GALNT13: variants seen among roughly 807,000 people sequenced by gnomAD.
GALNT13 encodes the protein UDP-GalNAc:polypeptide N-acetylgalactosaminyltransferase 13.
GALNT13 carries 28 observed loss-of-function variants against 64.2 expected under a neutral mutation model. The ratio of observed to expected loss-of-function variants is 0.44; its 90% CI spans 0.32 to 0.60. The LOEUF (loss-of-function observed/expected upper bound fraction) is 0.60, where lower values mean the gene tolerates loss of function less well. Among genes scored for constraint, GALNT13 ranks in the 20% least tolerant of loss-of-function variants. GALNT13 has a pLI of 0.05. For missense variants in GALNT13, 577 were observed against 669.8 expected, an observed-to-expected ratio of 0.86 and a Z score of 1.53; for synonymous variants, 214 against 224.6, an observed-to-expected ratio of 0.95 and a Z score of 0.42.
At chr2:153,691,911 A>C in the GALNT13 span, among the ~76,000 whole-genome samples, 1 of 152,120 alleles carries the variant, frequency 6.6e-6, no homozygotes, top group Non-Finnish European at 1.5e-5. Flanking sequence ...GATATTCTTA[A>C]AAAAACATGG....
intron 9 of GALNT13, among the ~76,000 whole-genome samples, chr2:154,318,892 C>T (rs536306298): frequency 4.6e-5 from 7 of 152,098 alleles, no homozygotes; most frequent in Admixed American, 4.6e-4. Flanking sequence ...CACACACACG[C>T]ACACACATAT....
chr2:154,313,517 T>G (rs999820615), intron 9 of GALNT13, among the ~76,000 whole-genome samples: 3 of 150,646 alleles, frequency 2.0e-5, no homozygotes, highest in Non-Finnish European at 4.4e-5. Context: ...AGCAGTGGTG[T>G]GATCTCGGCT....
chr2:154,220,552 A>T (rs2105820873), intron 4 of GALNT13, among the ~76,000 whole-genome samples: 1 of 152,132 alleles, frequency 6.6e-6, no homozygotes, highest in East Asian at 1.9e-4. Context: ...ATATGCATAC[A>T]CACATATTTC....
At chr2:153,550,226 AAATG>A in the GALNT13 span, among the ~76,000 whole-genome samples, 1 of 150,570 alleles carries the variant, frequency 6.6e-6, no homozygotes, top group Admixed American at 6.6e-5. Context: ...CAATCTTGGT[AAATG>A]AATGGTCACT....
intron 9 of GALNT13, among the ~76,000 whole-genome samples, chr2:154,374,155 T>C (rs1697849699): frequency 6.6e-6 from 1 of 152,222 alleles, no homozygotes; most frequent in South Asian, 2.1e-4. Flanking sequence ...GAAACCTCCA[T>C]TTTGCAAATT....
At chr2:154,007,470 C>A (rs1158164357) in intron 3 of GALNT13, among the ~76,000 whole-genome samples, 1 of 151,716 alleles carries the variant, frequency 6.6e-6, no homozygotes, top group Non-Finnish European at 1.5e-5. Context: ...TGTATAGTTC[C>A]TTTCATTTCT....
chr2:153,525,211 C>T, the GALNT13 span, among the ~76,000 whole-genome samples: 1 of 152,150 alleles, frequency 6.6e-6, no homozygotes, highest in East Asian at 1.9e-4. Context: ...CACCTCCTAG[C>T]TAAAGAGCCC....
intron 1 of GALNT13, among the ~76,000 whole-genome samples, chr2:153,893,073 C>T (rs1336261001): frequency 6.6e-6 from 1 of 151,958 alleles, no homozygotes; most frequent in African/African-American, 2.4e-5. Context: ...TTCTAGGATT[C>T]TTGTACTCAA....
In GALNT13 at chr2:153,970,679, C is replaced by G. The variant is rs550145934; in HGVS notation, c.142+26040C>G. On this transcript the variant is annotated intron_variant, in intron 3 of 12. Coordinates refer to ENST00000392825, the MANE Select transcript of GALNT13 (RefSeq NM_052917.4). ...AAGAAACATCTCAAACTTACCATATCCAAAACTGAATTTCTCATCTTTCAT... is the reference window on the plus strand; with the variant it reads ...AAGAAACATCTCAAACTTACCATATGCAAAACTGAATTTCTCATCTTTCAT... Among the ~76,000 whole-genome samples the G allele has an allele frequency of 1.1e-4, 17 of 152,200 alleles. No homozygotes were observed. In the South Asian group the frequency reaches 2.9e-3, roughly 26 times the overall value.
At chr2:153,276,646 T>C in the GALNT13 span, among the ~76,000 whole-genome samples, 1 of 152,156 alleles carries the variant, frequency 6.6e-6, no homozygotes, top group Non-Finnish European at 1.5e-5. Flanking sequence ...ATATTTAATT[T>C]GTAGTTTCTG....
chr2:154,410,308 G>C (rs900719312), intron 11 of GALNT13, among the ~76,000 whole-genome samples: 1 of 152,020 alleles, frequency 6.6e-6, no homozygotes, highest in Non-Finnish European at 1.5e-5. Context: ...AAATGTGTGA[G>C]GGTTTAATTT....
At chr2:154,301,618 T>G in intron 9 of GALNT13, 29 bp downstream of exon 9, 11 of 1,443,576 alleles carry the variant, frequency 7.6e-6, no homozygotes, top group Non-Finnish European at 1.1e-5. Context: ...TTTCTTTCTC[T>G]ACAGGAGAAA....
Position 154,452,167 on chromosome 2 carries a change from AC to A in GALNT13, c.*1617del, listed in dbSNP as rs1701896652. ...TTTCAGGTTTGCTCTTTAAATATAG[AC>A]ACCCCTCACCATGAGCTCTCTGTGA... is the stretch of plus-strand genomic sequence containing the variant. On this transcript the variant is annotated 3_prime_UTR_variant, in exon 13 of 13. Transcript: ENST00000392825. 6.6e-6 allele frequency: 1 copy of A among 152,038 alleles called. No homozygotes were observed. Among genetic ancestry groups the A allele is most frequent in the Admixed American group, 6.6e-5 (1 of 15,224 alleles). The allele number at this position is 152,038 out of a possible 1,614,324, so 9.4% of individuals were successfully genotyped here.
intron 9 of GALNT13, among the ~76,000 whole-genome samples, chr2:154,313,451 A>G (rs1250634066): frequency 6.7e-6 from 1 of 148,606 alleles, no homozygotes; most frequent in African/African-American, 2.5e-5. Context: ...CACACACACA[A>G]TATATATATA....
intron 3 of GALNT13, among the ~76,000 whole-genome samples, chr2:154,072,003 G>T (rs1700762521): frequency 6.6e-6 from 1 of 152,036 alleles, no homozygotes; most frequent in Admixed American, 6.6e-5. Context: ...TGAGTTCAAT[G>T]TTAATGAATC....
chr2:153,806,655 G>A, the GALNT13 span, among the ~76,000 whole-genome samples: 1 of 144,762 alleles, frequency 6.9e-6, no homozygotes, highest in Admixed American at 7.1e-5. Flanking sequence ...GTCTGATAAA[G>A]AGCCTGGATT....
chr2:154,259,242 C>A, intron 8 of GALNT13, 104 bp downstream of exon 8: 1 of 707,584 alleles, frequency 1.4e-6, no homozygotes, highest in Non-Finnish European at 2.5e-6. Context: ...CTGAGTGATG[C>A]AAATTACTGA....
At chr2:154,399,229 T>TAAC (rs1333251070) in intron 10 of GALNT13, among the ~76,000 whole-genome samples, 1 of 152,018 alleles carries the variant, frequency 6.6e-6, no homozygotes, top group East Asian at 1.9e-4. Context: ...ACCAGCTGAG[T>TAAC]AACATAGTGA....
At chr2:154,052,656 T>A (rs1170835557) in intron 3 of GALNT13, among the ~76,000 whole-genome samples, 1 of 152,070 alleles carries the variant, frequency 6.6e-6, no homozygotes, top group Admixed American at 6.5e-5. Context: ...CCAATACATG[T>A]TGGTGTGCTG....
Sources: allele counts gnomAD v4.1 joint callset (sites outside exome capture counted in the v4.1 genomes callset), GRCh38; gene constraint gnomAD v4.1.1; transcripts MANE v1.5; gene names NCBI Gene and HGNC (gene_info 2026-07-23, HGNC 2026-07-21).